Variants in PDE2A observed in about 807,000 individuals in gnomAD.
PDE2A encodes cGMP-dependent 3',5'-cyclic phosphodiesterase.
Under a neutral mutation model 133.6 loss-of-function variants are expected in PDE2A, and 53 were observed. The observed-to-expected ratio is 0.40, with a 90% confidence interval of 0.32 to 0.50. The LOEUF is 0.50. Among genes scored for constraint, PDE2A ranks in the 20% least tolerant of loss-of-function variants. The probability of loss-of-function intolerance (pLI) is 0.73; values close to 1 mark genes in which losing one functional copy is unlikely to be tolerated. For missense variants in PDE2A, 796 were observed against 1,232.4 expected (o/e 0.65, Z 5.30); for synonymous variants, 491 against 490.2 (o/e 1.00, Z -0.02).
At chr11:72,601,715 G>A (rs2135341657) in intron 4 of PDE2A, among the ~76,000 whole-genome samples, 1 of 152,284 alleles carries the variant, frequency 6.6e-6, no homozygotes, top group African/African-American at 2.4e-5. Context: ...AACAGTCTGG[G>A]AGATGGAGGT....
intron 2 of PDE2A, among the ~76,000 whole-genome samples, chr11:72,614,671 C>T (rs1346552804): frequency 6.6e-6 from 1 of 152,196 alleles, no homozygotes; most frequent in African/African-American, 2.4e-5. Flanking sequence ...CCTCGAGACC[C>T]ACTGACACTA....
intron 2 of PDE2A, among the ~76,000 whole-genome samples, chr11:72,638,236 G>T (rs1858791379): frequency 6.6e-6 from 1 of 152,186 alleles, no homozygotes; most frequent in Non-Finnish European, 1.5e-5. Context: ...GGAGCTACTG[G>T]TAAAAGAAGG....
intron 2 of PDE2A, among the ~76,000 whole-genome samples, chr11:72,641,792 T>G (rs568678027): frequency 6.6e-5 from 10 of 152,230 alleles, no homozygotes; most frequent in Admixed American, 3.9e-4. Context: ...TGAGCGGGTG[T>G]CCAGTTGAGG....
intron 2 of PDE2A, among the ~76,000 whole-genome samples, chr11:72,633,354 C>A (rs981800049): frequency 6.6e-6 from 1 of 152,208 alleles, no homozygotes; most frequent in African/African-American, 2.4e-5. Flanking sequence ...CTGAGCCCCT[C>A]CTGAAGACAC....
At chr11:72,654,008 C>T (rs951596386) in intron 1 of PDE2A, among the ~76,000 whole-genome samples, 10 of 152,230 alleles carry the variant, frequency 6.6e-5, no homozygotes, top group Admixed American at 3.9e-4. Flanking sequence ...CCTAGTTGCC[C>T]ATGGGGGCTC....
At chr11:72,601,064 C>A (rs987625223) in intron 4 of PDE2A, among the ~76,000 whole-genome samples, 2 of 146,396 alleles carry the variant, frequency 1.4e-5, no homozygotes, top group Non-Finnish European at 3.0e-5. Context: ...CCACTAGGTC[C>A]CAGGCATCAG....
At chr11:72,586,214 A>T (rs1271491541) in intron 13 of PDE2A, 33 bp from the exon 14 acceptor site, 1 of 1,298,556 alleles carries the variant, frequency 7.7e-7, no homozygotes, top group Non-Finnish European at 1.1e-6. Context: ...TCAGGAGGGA[A>T]GGGAAGACTG....
chr11:72,650,454 G>C (rs1854700032), intron 1 of PDE2A, among the ~76,000 whole-genome samples: 1 of 151,964 alleles, frequency 6.6e-6, no homozygotes, highest in Non-Finnish European at 1.5e-5. Context: ...CTAAGCCCCA[G>C]CCCATCACTA....
chr11:72,594,087 C>G (rs1591038343), intron 6 of PDE2A, among the ~76,000 whole-genome samples: 1 of 152,216 alleles, frequency 6.6e-6, no homozygotes, highest in Admixed American at 6.5e-5. Context: ...GAAGGCAGGG[C>G]CTGTCTAATC....
At chr11:72,622,276 G>T (rs1857810786) in intron 2 of PDE2A, among the ~76,000 whole-genome samples, 2 of 152,164 alleles carry the variant, frequency 1.3e-5, no homozygotes, top group African/African-American at 4.8e-5. Context: ...AATGTAAAAA[G>T]ATACAGAAAA....
rs1037873306 is a variant in PDE2A, at chr11:72,590,794, A to G, written c.550-214T>C. ...GAGCGTCCGGCGGTCCAGGAACAGG[A>G]GGGTACAGGGTCTATCTCCATCCCT... On this transcript the variant is annotated intron_variant, in intron 7 of 30. Coordinates refer to ENST00000334456, the MANE Select transcript of PDE2A (RefSeq NM_002599.5). This position sits in a 1 kb window ranked among gnomAD's most constrained non-coding sequence, Gnocchi z 4.8. 6.8e-6 allele frequency: 3 copies of G among 438,534 alleles called. No individual in the cohort carries two copies. Among genetic ancestry groups the G allele is most frequent in the South Asian group, 6.5e-5 (1 of 15,382 alleles). 27.2% of individuals were successfully genotyped at this position (438,534 alleles called of 1,614,324 possible).
intron 2 of PDE2A, chr11:72,636,155 T>G (rs1370152352): frequency 8.7e-7 from 1 of 1,150,386 alleles, no homozygotes; most frequent in Non-Finnish European, 1.1e-6. Flanking sequence ...GGAGGGGCCC[T>G]GCCGGCTACT....
In PDE2A at chr11:72,605,961, T is replaced by A. The variant is rs185207862; in HGVS notation, c.235-735A>T. On this transcript the variant is annotated intron_variant, in intron 3 of 30. Transcript: ENST00000334456. ...TGGGCCCAAGGTCAGTAGGGCTGAG[T>A]GGGATGGGCTTACGAACAGAACTGG... Among the ~76,000 whole-genome samples the A allele has an allele frequency of 1.4e-4, 21 of 151,810 alleles. No individual in the cohort carries two copies. The East Asian group carries it at 4.1e-3, about 29-fold the overall frequency.
chr11:72,583,590 A>G (rs1855819195), intron 19 of PDE2A, 75 bp from the exon 20 acceptor site: 3 of 988,612 alleles, frequency 3.0e-6, no homozygotes, highest in Admixed American at 1.7e-5. Context: ...ACTGGGATGA[A>G]GGGGTCAAAA....
At chr11:72,606,565 A>G (rs1856980647) in intron 3 of PDE2A, among the ~76,000 whole-genome samples, 1 of 152,078 alleles carries the variant, frequency 6.6e-6, no homozygotes, top group Non-Finnish European at 1.5e-5. Context: ...GCCTGAAGGG[A>G]GTGAGAGGGG....
At position 72,615,601 on chromosome 11, in the gene PDE2A, C is replaced by A. The variant is rs112648757; in HGVS notation, c.145-6850G>T. 7.2e-4 allele frequency among the ~76,000 whole-genome samples: 110 copies of A among 152,220 alleles called. 2 individuals carry two copies. The highest frequency in any genetic ancestry group is 2.7e-3 in the Admixed American group (42 of 15,300). ...AGCCAGCTCAGGTCTCCTCCCACCC[C>A]CTCCCACCTTCAGCTGCTTCATCTA... On this transcript the variant is annotated intron_variant, in intron 2 of 30. Transcript: ENST00000334456.
chr11:72,656,068 TG>T (rs1854891091), intron 1 of PDE2A, among the ~76,000 whole-genome samples: 1 of 151,820 alleles, frequency 6.6e-6, no homozygotes, highest in African/African-American at 2.4e-5. Context: ...CGGAGAGGAA[TG>T]GGAGGGAGGT....
rs766670857 is a variant in PDE2A at position 72,597,497 on chromosome 11, C to A, written c.433+13G>T. ...GCCCCTGCCCCTGCCCCTGCCCAGC[C>A]CCTAGCCCTTACCTTGGGTATCAGG... On this transcript the variant is annotated intron_variant, in intron 5 of 30. Coordinates refer to ENST00000334456, the MANE Select transcript of PDE2A (RefSeq NM_002599.5). The surrounding 1 kb of genome is among the most constrained non-coding windows in gnomAD (Gnocchi z 4.6). The A allele has an allele frequency of 6.4e-7, 1 of 1,551,796 alleles. No homozygotes were observed. The highest frequency in any genetic ancestry group is 1.1e-5 in the South Asian group (1 of 89,800).
At chr11:72,636,001 T>C in intron 2 of PDE2A, 1 of 1,256,832 alleles carries the variant, frequency 8.0e-7, no homozygotes, top group Non-Finnish European at 1.0e-6. Context: ...GAAACTCCCA[T>C]GCCCTTCCTG....
Sources: allele counts gnomAD v4.1 joint callset (sites outside exome capture counted in the v4.1 genomes callset), GRCh38; gene constraint gnomAD v4.1.1; non-coding constraint Gnocchi (gnomAD v3.1); transcripts MANE v1.5; gene names NCBI Gene and HGNC (gene_info 2026-07-23, HGNC 2026-07-21).